The following RIPOR2 variants were observed in gnomAD, a reference collection of about 807,000 sequenced individuals.
RIPOR2 encodes the protein RHO family interacting cell polarization regulator 2.
In RIPOR2, 39 loss-of-function variants were observed where a neutral mutation model predicts 114.5. The observed-to-expected ratio is 0.34, with a 90% confidence interval of 0.26 to 0.44. The LOEUF (loss-of-function observed/expected upper bound fraction) is 0.44. Ranked by LOEUF, RIPOR2 falls within the 20% of genes least tolerant of loss-of-function variation. The probability of loss-of-function intolerance (pLI) is 1.00; values close to 1 mark genes in which losing one functional copy is unlikely to be tolerated. For missense variants in RIPOR2, 1,007 were observed against 1,255.1 expected (o/e 0.80, Z 2.99); for synonymous variants, 445 against 484.4 (o/e 0.92, Z 1.07).
At chr6:24,949,356 C>T (rs910832919) in intron 1 of RIPOR2, among the ~76,000 whole-genome samples, 1 of 152,166 alleles carries the variant, frequency 6.6e-6, no homozygotes, top group Non-Finnish European at 1.5e-5. Context: ...AGGTTGAAGC[C>T]TTTAAAAGGT....
intron 7 of RIPOR2, among the ~76,000 whole-genome samples, chr6:24,864,081 C>T (rs1764344921): frequency 6.6e-6 from 1 of 152,176 alleles, no homozygotes; most frequent in Admixed American, 6.5e-5. Context: ...GCGAGTGGAT[C>T]ACCTGAGATC....
At chr6:25,022,420 G>A (rs1232509102) in intron 1 of RIPOR2, among the ~76,000 whole-genome samples, 2 of 150,728 alleles carry the variant, frequency 1.3e-5, no homozygotes, top group East Asian at 3.9e-4. Context: ...TTTTATTGCT[G>A]AGTCATATCT....
intron 1 of RIPOR2, among the ~76,000 whole-genome samples, chr6:25,028,977 G>A (rs1341448798): frequency 9.2e-5 from 14 of 152,150 alleles, no homozygotes; most frequent in Admixed American, 9.2e-4. Flanking sequence ...GCAGAGTGCT[G>A]GGAGAGGGTG....
intron 1 of RIPOR2, chr6:24,976,452 G>A (rs2113565383): frequency 5.1e-6 from 8 of 1,568,190 alleles, no homozygotes; most frequent in East Asian, 4.5e-5. Context: ...CGACATTGCC[G>A]TCGACGGTGA....
chr6:24,839,466 C>T (rs754471037), intron 13 of RIPOR2, 194 bp from the exon 14 acceptor site: 106 of 1,435,504 alleles, frequency 7.4e-5, no homozygotes, highest in Non-Finnish European at 9.8e-5. Flanking sequence ...GGCACAATAT[C>T]TGGGACTGGT....
intron 1 of RIPOR2, among the ~76,000 whole-genome samples, chr6:24,904,595 G>C (rs1467573161): frequency 2.0e-5 from 3 of 152,212 alleles, no homozygotes; most frequent in Non-Finnish European, 4.4e-5. Context: ...GGACATCTTT[G>C]GGGTGGTGGA....
intron 11 of RIPOR2, 133 bp from the exon 12 acceptor site, chr6:24,848,287 T>A: frequency 2.3e-6 from 2 of 887,548 alleles, no homozygotes; most frequent in Non-Finnish European, 3.3e-6. Flanking sequence ...TGGTTTTAGC[T>A]AAACTGCTTT....
chr6:24,873,922 G>T, intron 2 of RIPOR2, 123 bp from the exon 3 acceptor site: 1 of 815,402 alleles, frequency 1.2e-6, no homozygotes, highest in Non-Finnish European at 1.9e-6. Flanking sequence ...CATCCAGGCT[G>T]GAGTATGGTG....
chr6:24,960,691 G>A (rs772485334), intron 1 of RIPOR2, among the ~76,000 whole-genome samples: 10 of 151,952 alleles, frequency 6.6e-5, no homozygotes, highest in Non-Finnish European at 1.3e-4. Context: ...TAGTGCACCT[G>A]GCTAATTTTT....
chr6:24,989,461 AT>A (rs1774690556), intron 1 of RIPOR2, among the ~76,000 whole-genome samples: 1 of 151,200 alleles, frequency 6.6e-6, no homozygotes, highest in Non-Finnish European at 1.5e-5. Flanking sequence ...ATGCCTGGCT[AT>A]TTTTTTGTAT....
chr6:24,875,280 AAACT>A (rs930967996), intron 2 of RIPOR2, among the ~76,000 whole-genome samples: 3 of 152,246 alleles, frequency 2.0e-5, no homozygotes, highest in African/African-American at 7.2e-5. Context: ...GAAACTAGAA[AAACT>A]AACTTTGGCA....
In RIPOR2 at chr6:24,840,354, C is replaced by A. The variant is rs186394765; in HGVS notation, c.1858-1082G>T. On this transcript the variant is annotated intron_variant, in intron 13 of 21. Transcript: ENST00000643898. ...CTGCCTCAAAGGGAACAAGTCCCAC[C>A]ACTTCCCTGACCAGGCCCTGGCATC... 18 of 1,114,360 alleles carry A rather than the reference C, an allele frequency of 1.6e-5. No individual in the cohort carries two copies. The Admixed American group carries it at 1.9e-4, about 12-fold the overall frequency. 69.0% of individuals were successfully genotyped at this position (1,114,360 alleles called of 1,614,324 possible).
At chr6:25,017,278 C>A (rs1324090746) in intron 1 of RIPOR2, among the ~76,000 whole-genome samples, 1 of 152,158 alleles carries the variant, frequency 6.6e-6, no homozygotes, top group East Asian at 1.9e-4. Context: ...ACTGAGATTG[C>A]GCCACTGCAC....
intron 1 of RIPOR2, among the ~76,000 whole-genome samples, chr6:24,900,192 G>C (rs767046256): frequency 3.3e-5 from 5 of 152,138 alleles, no homozygotes; most frequent in Non-Finnish European, 7.4e-5. Context: ...GGGAACTGTG[G>C]CTCTGAATTT....
rs551133533 is a variant in RIPOR2, at chr6:25,023,505, C to G, written c.76+18346G>C. 154 of 771,152 alleles carry G rather than the reference C, an allele frequency of 2.0e-4. 1 individual carries two copies. The highest frequency in any genetic ancestry group is 2.0e-3 in the South Asian group (149 of 74,666). 47.8% of individuals were successfully genotyped at this position (771,152 alleles called of 1,614,324 possible). A position where few individuals can be genotyped will look rare whatever the true frequency, so the allele number is the denominator to read the frequency against. ...ATGCAGTGGCGGACAAATTCACACT[C>G]AGGGCTATGCCAGAAAGCGGTGTAC... On this transcript the variant is annotated intron_variant, in intron 1 of 13. Transcript: ENST00000510784.
At chr6:24,847,960 A>G in intron 12 of RIPOR2, 65 bp downstream of exon 12, 12 of 1,600,574 alleles carry the variant, frequency 7.5e-6, no homozygotes, top group Non-Finnish European at 1.0e-5. Flanking sequence ...TAAGCATTTC[A>G]AATGCTGGGT....
chr6:24,940,693 T>C (rs1270718669), upstream of RIPOR2, among the ~76,000 whole-genome samples: 1 of 152,084 alleles, frequency 6.6e-6, no homozygotes, highest in Non-Finnish European at 1.5e-5. Flanking sequence ...TCGCTCAGGC[T>C]GGCGTGCAGT....
At chr6:24,927,747 G>T (rs1242099787) in intron 1 of RIPOR2, among the ~76,000 whole-genome samples, 1 of 152,092 alleles carries the variant, frequency 6.6e-6, no homozygotes, top group African/African-American at 2.4e-5. Flanking sequence ...ACTGGAAAAA[G>T]GGAATTGAAT....
At chr6:24,952,374 C>T (rs965629768) in intron 1 of RIPOR2, among the ~76,000 whole-genome samples, 1 of 152,154 alleles carries the variant, frequency 6.6e-6, no homozygotes, top group Non-Finnish European at 1.5e-5. Flanking sequence ...GGGATATAGA[C>T]TGCGAGTAGT....
Sources: gnomAD v4.1 joint callset for allele counts (sites outside exome capture counted in the v4.1 genomes callset) on GRCh38, gnomAD v4.1.1 for gene constraint, MANE v1.5 for transcripts, NCBI Gene and HGNC (gene_info 2026-07-23, HGNC 2026-07-21) for gene names.